Variants in RUNDC3B observed in about 807,000 individuals in gnomAD.
RUNDC3B encodes the protein RUN domain-containing protein 3B.
Under a neutral mutation model 58.4 loss-of-function variants are expected in RUNDC3B, and 33 were observed. That is an observed-to-expected ratio of 0.56 (90% CI 0.43 to 0.75). The LOEUF (loss-of-function observed/expected upper bound fraction) is 0.75. RUNDC3B is among the 30% of genes least tolerant of loss of function. The pLI, the probability that RUNDC3B is intolerant of heterozygous loss-of-function variation, is 0.00. For synonymous variants in RUNDC3B, 193 were observed against 195.2 expected, an observed-to-expected ratio of 0.99 and a Z score of 0.10; for missense variants, 501 against 535.7, an observed-to-expected ratio of 0.94 and a Z score of 0.64.
intron 8 of RUNDC3B, among the ~76,000 whole-genome samples, chr7:87,804,064 A>G (rs190066766): frequency 1.3e-5 from 2 of 152,260 alleles, no homozygotes; most frequent in Admixed American, 6.5e-5. Flanking sequence ...TAAATAATTG[A>G]TTATTAAACT....
intron 8 of RUNDC3B, among the ~76,000 whole-genome samples, chr7:87,786,562 A>T (rs1835231087): frequency 6.6e-6 from 1 of 152,038 alleles, no homozygotes; most frequent in Non-Finnish European, 1.5e-5. Flanking sequence ...CTGGTTATTA[A>T]AAACCAGATT....
At chr7:87,648,261 G>A (rs1275964172) in intron 1 of RUNDC3B, among the ~76,000 whole-genome samples, 1 of 151,798 alleles carries the variant, frequency 6.6e-6, no homozygotes, top group Non-Finnish European at 1.5e-5. Context: ...TATAAAGGGA[G>A]TTACAGAAGA....
chr7:87,740,505 G>T (rs1832256605), intron 5 of RUNDC3B, among the ~76,000 whole-genome samples: 1 of 151,868 alleles, frequency 6.6e-6, no homozygotes, highest in East Asian at 1.9e-4. Context: ...GAAAGTAAAA[G>T]GTTTGTCTAT....
chr7:87,633,520 C>G (rs1232565229), intron 1 of RUNDC3B, among the ~76,000 whole-genome samples: 1 of 152,182 alleles, frequency 6.6e-6, no homozygotes, highest in Non-Finnish European at 1.5e-5. Context: ...CTTTTGCATC[C>G]TTCTGTTTCT....
intron 2 of RUNDC3B, 133 bp from the exon 3 acceptor site, chr7:87,700,288 C>A: frequency 1.5e-6 from 1 of 670,720 alleles, no homozygotes; most frequent in South Asian, 2.6e-5. Flanking sequence ...TTTTTGACAC[C>A]TAGATTGGTG....
intron 1 of RUNDC3B, among the ~76,000 whole-genome samples, chr7:87,649,754 A>G (rs937810838): frequency 2.6e-5 from 4 of 152,260 alleles, no homozygotes; most frequent in Admixed American, 6.5e-5. Flanking sequence ...CATAATTCCT[A>G]TGTGTTGTGG....
At chr7:87,799,589 A>T (rs1052141488) in intron 8 of RUNDC3B, among the ~76,000 whole-genome samples, 2 of 152,150 alleles carry the variant, frequency 1.3e-5, no homozygotes, top group Non-Finnish European at 2.9e-5. Context: ...ACTGGAGTAC[A>T]TCTTAAGAAT....
intron 6 of RUNDC3B, among the ~76,000 whole-genome samples, chr7:87,758,647 C>G (rs918580166): frequency 1.3e-5 from 2 of 152,036 alleles, no homozygotes; most frequent in Non-Finnish European, 2.9e-5. Context: ...ATCAAATAAT[C>G]CAATTAAAAA....
intron 4 of RUNDC3B, among the ~76,000 whole-genome samples, chr7:87,718,610 G>A (rs1038402588): frequency 3.3e-5 from 5 of 151,996 alleles, no homozygotes; most frequent in Admixed American, 6.6e-5. Flanking sequence ...GTAAAAACCA[G>A]CTATTTTTCC....
At chr7:87,741,848 TATA>T (rs146209792) in intron 6 of RUNDC3B, among the ~76,000 whole-genome samples, 7,370 of 152,286 alleles carry the variant, frequency 0.048, 261 homozygotes, top group East Asian at 0.092. Flanking sequence ...CTGTAGTCAT[TATA>T]ATAACTTTAA....
At chr7:87,703,629 A>G (rs1447312342) in intron 3 of RUNDC3B, among the ~76,000 whole-genome samples, 1 of 152,038 alleles carries the variant, frequency 6.6e-6, no homozygotes, top group African/African-American at 2.4e-5. Context: ...TATTTAAGCC[A>G]GTAAATTTCT....
intron 3 of RUNDC3B, among the ~76,000 whole-genome samples, chr7:87,703,180 C>A (rs1381224373): frequency 6.6e-6 from 1 of 151,982 alleles, no homozygotes; most frequent in East Asian, 1.9e-4. Context: ...TATGTAATAA[C>A]CGAAAGTATA....
intron 8 of RUNDC3B, among the ~76,000 whole-genome samples, chr7:87,787,609 A>C (rs1415197898): frequency 6.6e-6 from 1 of 152,174 alleles, no homozygotes; most frequent in Non-Finnish European, 1.5e-5. Context: ...GTGGAGTATT[A>C]CAGGAGCATT....
Position 87,700,611 on chromosome 7 carries a change from A to G in RUNDC3B, c.372+57A>G, listed in dbSNP as rs1585138707. The G allele has an allele frequency of 8.5e-6, 13 of 1,523,536 alleles. No homozygotes were observed. In the South Asian group the frequency reaches 1.3e-4, roughly 16 times the overall value. 94.4% of individuals were successfully genotyped at this position (1,523,536 alleles called of 1,614,324 possible). A position where few individuals can be genotyped will look rare whatever the true frequency, so the allele number is the denominator to read the frequency against. ...TTTTTTTTCATTGCATGTATTTGGAATAGCAGGAAGGTGTGAAGCTACTTA... is the reference window on the plus strand; with the variant it reads ...TTTTTTTTCATTGCATGTATTTGGAGTAGCAGGAAGGTGTGAAGCTACTTA... On this transcript the variant is annotated intron_variant, in intron 3 of 10. Transcript: ENST00000394654.
intron 2 of RUNDC3B, among the ~76,000 whole-genome samples, chr7:87,692,681 T>C (rs918452576): frequency 9.2e-5 from 14 of 152,196 alleles, no homozygotes; most frequent in African/African-American, 3.4e-4. Context: ...TATAGAGAAC[T>C]TTGTTTTAGG....
At chr7:87,629,054 C>A in intron 1 of RUNDC3B, 109 bp downstream of exon 1, 1 of 1,080,358 alleles carries the variant, frequency 9.3e-7, no homozygotes, top group Non-Finnish European at 1.2e-6. Context: ...CGCCCAGTGC[C>A]CCCGCCTATG....
At chr7:87,648,359 A>G (rs1171035385) in intron 1 of RUNDC3B, among the ~76,000 whole-genome samples, 3 of 152,122 alleles carry the variant, frequency 2.0e-5, no homozygotes, top group African/African-American at 7.2e-5. Context: ...GCAAATGTTC[A>G]TATAAAAATG....
chr7:87,713,305 A>G (rs1830258178), intron 4 of RUNDC3B: 1 of 152,158 alleles, frequency 6.6e-6, no homozygotes, highest in African/African-American at 2.4e-5. Flanking sequence ...TAGCCTTTAA[A>G]ATGGTAATAC....
intron 8 of RUNDC3B, among the ~76,000 whole-genome samples, chr7:87,796,397 A>G (rs1835822351): frequency 6.6e-6 from 1 of 152,196 alleles, no homozygotes; most frequent in Non-Finnish European, 1.5e-5. Flanking sequence ...CTAGTATTTG[A>G]TAGTACAACA....
Sources: gnomAD v4.1 joint callset for allele counts (sites outside exome capture counted in the v4.1 genomes callset) on GRCh38, gnomAD v4.1.1 for gene constraint, MANE v1.5 for transcripts, NCBI Gene and HGNC (gene_info 2026-07-23, HGNC 2026-07-21) for gene names.